The following NUP210L variants were observed in gnomAD, a reference collection of about 807,000 sequenced individuals.
NUP210L encodes the protein nucleoporin 210 like, also known as nuclear pore membrane glycoprotein 210-like.
Under a neutral mutation model 208.5 loss-of-function variants are expected in NUP210L, and 74 were observed. That is an observed-to-expected ratio of 0.35 (90% confidence interval 0.29 to 0.43). NUP210L has a LOEUF of 0.43. Ranked by LOEUF, NUP210L falls within the 20% of genes least tolerant of loss-of-function variation. The pLI is 1.00. For synonymous variants in NUP210L, 780 were observed against 816.9 expected (o/e 0.95, Z 0.77); for missense variants, 1,843 against 2,289.4 (o/e 0.81, Z 3.98).
chr1:154,070,960 T>C (rs949749150), intron 16 of NUP210L, among the ~76,000 whole-genome samples: 20 of 152,234 alleles, frequency 1.3e-4, no homozygotes, highest in African/African-American at 3.6e-4. Context: ...GGTGTATGTA[T>C]GCATTGTATT....
chr1:154,124,666 A>G (rs906703887), intron 10 of NUP210L, among the ~76,000 whole-genome samples: 1 of 152,214 alleles, frequency 6.6e-6, no homozygotes, highest in African/African-American at 2.4e-5. Context: ...ATAGTACTCT[A>G]TGCACCTGGT....
intron 15 of NUP210L, among the ~76,000 whole-genome samples, chr1:154,091,481 TTTTTC>T (rs779528378): frequency 0.029 from 4,279 of 149,578 alleles, 200 homozygotes; most frequent in African/African-American, 0.1. Flanking sequence ...GCAACATGTC[TTTTTC>T]TTTTCTTTTC....
chr1:154,046,378 CA>C lies in NUP210L; in HGVS notation c.3484-10del. 1 of 1,612,822 alleles carries C rather than the reference CA, an allele frequency of 6.2e-7. No homozygotes were observed. Among genetic ancestry groups the C allele is most frequent in the African/African-American group, 1.3e-5 (1 of 75,014 alleles). ...TCAATCTGTACTTCATCCTGCTCAA[CA>C]GGGTGGAGAGCAAGCTTAGGCTAAG... is the stretch of plus-strand genomic sequence containing the variant. On this transcript the variant is annotated splice_polypyrimidine_tract_variant and intron_variant, in intron 25 of 39. Coordinates refer to ENST00000368559, the Ensembl canonical transcript of NUP210L.
chr1:154,134,166 AT>A (rs1323078253), intron 7 of NUP210L, among the ~76,000 whole-genome samples: 2 of 151,136 alleles, frequency 1.3e-5, no homozygotes, highest in African/African-American at 4.8e-5. Context: ...AAAAATAATA[AT>A]AATAATAATA....
At chr1:154,102,519 A>ATATG (rs772005372) in intron 13 of NUP210L, among the ~76,000 whole-genome samples, 5 of 152,108 alleles carry the variant, frequency 3.3e-5, no homozygotes, top group East Asian at 1.9e-4. Context: ...GGGTGTGTCT[A>ATATG]TATGTATGTA....
intron 1 of NUP210L, 135 bp from the exon 2 acceptor site, chr1:154,153,007 T>C: frequency 1.4e-6 from 1 of 705,088 alleles, no homozygotes; most frequent in Non-Finnish European, 2.4e-6. Flanking sequence ...AGAAGGAACA[T>C]TGCTTAGGGA....
intron 14 of NUP210L, among the ~76,000 whole-genome samples, chr1:154,099,266 G>C (rs532967083): frequency 6.6e-6 from 1 of 152,182 alleles, no homozygotes; most frequent in South Asian, 2.1e-4. Context: ...CAGGAGGCCT[G>C]GGTCCGCAGT....
chr1:154,103,061 G>A (rs1656550034), intron 13 of NUP210L, among the ~76,000 whole-genome samples: 2 of 149,252 alleles, frequency 1.3e-5, no homozygotes, highest in Non-Finnish European at 3.0e-5. Flanking sequence ...GGGTGACACG[G>A]TGGTGAGACC....
rs1307365973 is a variant in NUP210L, at chr1:154,061,579, C to T, written c.2643+7G>A. The T allele has an allele frequency of 6.8e-7, 1 of 1,473,044 alleles. No individual in the cohort carries two copies. Among genetic ancestry groups the T allele is most frequent in the Non-Finnish European group, 9.4e-7 (1 of 1,061,560 alleles). The allele number at this position is 1,473,044 out of a possible 1,614,324, so 91.2% of individuals were successfully genotyped here. ...TTTATATTTCTTACATTATAATCTCCACTCACTTTTGGGCTTTTCTTCTCT... is the reference window on the plus strand; with the variant it reads ...TTTATATTTCTTACATTATAATCTCTACTCACTTTTGGGCTTTTCTTCTCT... On this transcript the variant is annotated splice_region_variant and intron_variant, in intron 18 of 39. Transcript: ENST00000368559.
chr1:154,052,150 C>T (rs1195718304), intron 25 of NUP210L, among the ~76,000 whole-genome samples: 2 of 152,334 alleles, frequency 1.3e-5, no homozygotes, highest in Non-Finnish European at 2.9e-5. Context: ...GCTGCAAAGA[C>T]AGAAGCAGAA....
chr1:154,012,307 T>C (rs1571165875), exon 34 of NUP210L: 2 of 1,612,988 alleles, frequency 1.2e-6, no homozygotes, highest in Non-Finnish European at 1.7e-6. Flanking sequence ...GAATTGAGGG[T>C]ATTGGTGAGA....
intron 16 of NUP210L, among the ~76,000 whole-genome samples, chr1:154,077,158 T>C (rs1248176625): frequency 6.6e-6 from 1 of 152,026 alleles, no homozygotes; most frequent in East Asian, 1.9e-4. Flanking sequence ...GTGGATTGCC[T>C]GAGCTCAGGA....
At chr1:154,050,156 C>A (rs183468014) in intron 25 of NUP210L, among the ~76,000 whole-genome samples, 2 of 152,254 alleles carry the variant, frequency 1.3e-5, no homozygotes, top group Admixed American at 6.5e-5. Flanking sequence ...TACTTAGGAA[C>A]CTTAGTAAGT....
intron 27 of NUP210L, among the ~76,000 whole-genome samples, chr1:154,035,249 T>C (rs930671706): frequency 6.6e-6 from 1 of 152,170 alleles, no homozygotes; most frequent in Admixed American, 6.5e-5. Flanking sequence ...ACTTTTTGTT[T>C]TGTTGATCTT....
chr1:154,115,994 G>T (rs1344767865), intron 12 of NUP210L, among the ~76,000 whole-genome samples: 1 of 152,072 alleles, frequency 6.6e-6, no homozygotes, highest in Non-Finnish European at 1.5e-5. Context: ...GGTGACTCAT[G>T]CCTGTAATCC....
rs770366491 is a variant in NUP210L, at chr1:154,000,946, C to A, written c.5296G>T (p.Ala1766Ser). 1.2e-6 allele frequency: 2 copies of A among 1,613,928 alleles called. No homozygotes were observed. The highest frequency in any genetic ancestry group is 1.7e-6 in the Non-Finnish European group (2 of 1,180,002). Reference sequence around the variant, plus strand: ...GAAATATTGATGAAAACAGGTGATGCCATTTGCTGGAAGGAAGTGAAGTTG... The same window carrying A: ...GAAATATTGATGAAAACAGGTGATGACATTTGCTGGAAGGAAGTGAAGTTG... The change falls in exon 37 of 40, where the codon GCA (alanine) becomes TCA (serine). Residue 1766 changes from alanine (A) to serine (S), a missense_variant. This residue lies in a region of NUP210L where 781 missense variants were observed against 973.8 expected (regional missense o/e 0.80). Transcript: ENST00000368559.
rs527761014 is a variant in NUP210L, at chr1:154,152,646, C to T, written c.340+90G>A. 5.2e-6 allele frequency: 6 copies of T among 1,163,930 alleles called. No individual in the cohort carries two copies. In the Admixed American group the frequency reaches 1.0e-4, roughly 19 times the overall value. The allele number at this position is 1,163,930 out of a possible 1,614,324, so 72.1% of individuals were successfully genotyped here. On this transcript the variant is annotated intron_variant, in intron 2 of 39. Transcript: ENST00000368559. ...TTATTCTCCCTTTGATCATTTGAAG[C>T]CAACACCATTTGTGTTAACTATCTA...
chr1:154,133,960 G>A (rs925448845), intron 7 of NUP210L, among the ~76,000 whole-genome samples: 3 of 151,960 alleles, frequency 2.0e-5, no homozygotes, highest in Middle Eastern at 3.4e-3. Context: ...GTCCAGCCTG[G>A]CCAACATGGT....
intron 12 of NUP210L, among the ~76,000 whole-genome samples, chr1:154,111,361 C>T (rs1274653735): frequency 6.0e-5 from 9 of 150,950 alleles, no homozygotes; most frequent in South Asian, 2.1e-4. Flanking sequence ...CCAGCCTGGG[C>T]GACAGAGTGA....
Sources: gnomAD v4.1 joint callset for allele counts (sites outside exome capture counted in the v4.1 genomes callset) on GRCh38, gnomAD v4.1.1 for gene constraint, gnomAD v4.1.1 regional missense constraint, MANE v1.5 for transcripts, NCBI Gene and HGNC (gene_info 2026-07-23, HGNC 2026-07-21) for gene names.